CNOT2: variants seen among roughly 807,000 people sequenced by gnomAD.
CNOT2 encodes the protein CCR4-NOT transcription complex subunit 2, also known as CC chemokine receptor 4-negative regulator of transcription 2.
A neutral mutation model predicts 72.1 loss-of-function variants in CNOT2; 7 were observed. That is an observed-to-expected ratio of 0.10 (90% CI 0.06 to 0.18). The LOEUF is 0.18. Ranked by LOEUF, CNOT2 falls within the 10% of genes least tolerant of loss-of-function variation. CNOT2 has a pLI of 1.00. For synonymous variants in CNOT2, 196 were observed against 225.6 expected, an observed-to-expected ratio of 0.87 and a Z score of 1.17; for missense variants, 345 against 660.3, an observed-to-expected ratio of 0.52 and a Z score of 5.23.
At chr12:70,338,321 C>A in intron 9 of CNOT2, 122 bp from the exon 10 acceptor site, 1 of 779,574 alleles carries the variant, frequency 1.3e-6, no homozygotes, top group Non-Finnish European at 2.0e-6. Context: ...ACTTGAAAAA[C>A]AGGTAATAAT....
chr12:70,262,694 G>A (rs184059045), intron 1 of CNOT2, among the ~76,000 whole-genome samples: 4 of 151,666 alleles, frequency 2.6e-5, no homozygotes, highest in Admixed American at 2.0e-4. Context: ...TGTTTTTTGC[G>A]ATGGAGTCTT....
At chr12:70,250,875 T>A (rs1465373446) in intron 1 of CNOT2, among the ~76,000 whole-genome samples, 1 of 152,198 alleles carries the variant, frequency 6.6e-6, no homozygotes. Context: ...ATGATCTGTG[T>A]CTTTCACTTC....
chr12:70,324,100 G>C (rs1878711650), intron 4 of CNOT2: 2 of 151,758 alleles, frequency 1.3e-5, no homozygotes, highest in Admixed American at 1.3e-4. Context: ...GAGTAACTAT[G>C]TGAACATGAG....
chr12:70,292,859 A>C (rs1296769381), intron 2 of CNOT2, among the ~76,000 whole-genome samples: 1 of 152,202 alleles, frequency 6.6e-6, no homozygotes, highest in Non-Finnish European at 1.5e-5. Flanking sequence ...ACATGGTGAG[A>C]TGTTTAGAAA....
chr12:70,335,626 A>G (rs961922717), intron 8 of CNOT2, 63 bp downstream of exon 8: 23 of 1,223,906 alleles, frequency 1.9e-5, no homozygotes, highest in Non-Finnish European at 2.6e-5. Flanking sequence ...ACACATATAC[A>G]TTTACATGTA....
At chr12:70,287,644 T>C (rs1470025859) in intron 2 of CNOT2, among the ~76,000 whole-genome samples, 2 of 150,170 alleles carry the variant, frequency 1.3e-5, no homozygotes, top group East Asian at 2.0e-4. Context: ...ACATCTTATG[T>C]ATCCATATAA....
chr12:70,353,816 T>C lies in CNOT2; in HGVS notation c.1537-13T>C. ...AGGGGAAGATATCTAAATTCTTGAA[T>C]TTGTTTTTATAGGAGTTCCATCTGG... On this transcript the variant is annotated splice_polypyrimidine_tract_variant and intron_variant, in intron 15 of 15. Transcript: ENST00000229195. 1.5e-5 allele frequency: 24 copies of C among 1,599,088 alleles called. No homozygotes were observed. Among genetic ancestry groups the C allele is most frequent in the Non-Finnish European group, 2.0e-5 (24 of 1,176,342 alleles).
chr12:70,292,295 A>T (rs932419533), intron 2 of CNOT2, among the ~76,000 whole-genome samples: 1 of 152,212 alleles, frequency 6.6e-6, no homozygotes, highest in Non-Finnish European at 1.5e-5. Flanking sequence ...ACTGTGGGAC[A>T]TTCTGCAGTG....
rs1883194963 is a variant in CNOT2, at chr12:70,353,955, G to C, written c.*40G>C. The C allele has an allele frequency of 1.3e-6, 2 of 1,560,144 alleles. No homozygotes were observed. The highest frequency in any genetic ancestry group is 2.8e-5 in the African/African-American group (2 of 71,108). ...AAAAAAAAAGACTTCCCTTTTCTTGGGGTATGGCTGTCTCAGCACAATACT... is the reference window on the plus strand; with the variant it reads ...AAAAAAAAAGACTTCCCTTTTCTTGCGGTATGGCTGTCTCAGCACAATACT... On this transcript the variant is annotated 3_prime_UTR_variant, in exon 16 of 16. Coordinates refer to ENST00000229195, the MANE Select transcript of CNOT2 (RefSeq NM_014515.7).
chr12:70,278,063 A>G (rs928491048), intron 1 of CNOT2, 69 bp from the exon 2 acceptor site: 5 of 523,140 alleles, frequency 9.6e-6, no homozygotes, highest in Admixed American at 3.5e-5. Flanking sequence ...ATCATATTGA[A>G]TATTTTTGCT....
chr12:70,268,572 A>G (rs1247685686), intron 1 of CNOT2, among the ~76,000 whole-genome samples: 1 of 152,058 alleles, frequency 6.6e-6, no homozygotes, highest in Non-Finnish European at 1.5e-5. Context: ...TTAGCCTCCC[A>G]AGTAGTTGGG....
intron 2 of CNOT2, among the ~76,000 whole-genome samples, chr12:70,306,955 G>A (rs1875522760): frequency 1.3e-5 from 2 of 152,178 alleles, no homozygotes; most frequent in East Asian, 1.9e-4. Flanking sequence ...TAACACATTG[G>A]TATTTGTGTA....
intron 1 of CNOT2, among the ~76,000 whole-genome samples, chr12:70,268,018 T>TTGCCAACTC (rs1181414622): frequency 6.6e-6 from 1 of 152,256 alleles, no homozygotes; most frequent in South Asian, 2.1e-4. Context: ...ACGAAAAAGT[T>TTGCCAACTC]TGCCAACTCC....
At chr12:70,300,975 TG>T (rs1213225683) in intron 2 of CNOT2, among the ~76,000 whole-genome samples, 2 of 152,206 alleles carry the variant, frequency 1.3e-5, no homozygotes, top group African/African-American at 4.8e-5. Context: ...TTATTCTCTT[TG>T]AAGCAATTGT....
At chr12:70,349,447 G>A (rs191476508) in intron 15 of CNOT2, among the ~76,000 whole-genome samples, 50 of 152,148 alleles carry the variant, frequency 3.3e-4, no homozygotes, top group Admixed American at 6.5e-5. Flanking sequence ...TGATATTATG[G>A]TGTTCTTGAA....
intron 1 of CNOT2, among the ~76,000 whole-genome samples, chr12:70,257,618 C>T (rs1002550049): frequency 4.6e-5 from 7 of 151,866 alleles, no homozygotes; most frequent in African/African-American, 1.5e-4. Context: ...CCACCTGCCT[C>T]GGCCTCCCAA....
intron 2 of CNOT2, among the ~76,000 whole-genome samples, chr12:70,293,161 CTTT>C (rs201732291): frequency 2.2e-5 from 3 of 136,264 alleles, no homozygotes; most frequent in Admixed American, 7.4e-5. Flanking sequence ...GATTTCATAT[CTTT>C]TTTTTTTTTT....
intron 14 of CNOT2, 67 bp downstream of exon 14, chr12:70,344,295 A>G (rs1478241889): frequency 1.1e-6 from 1 of 920,938 alleles, no homozygotes; most frequent in African/African-American, 1.7e-5. Flanking sequence ...AAACATCTTT[A>G]AGTGATGATG....
At chr12:70,273,527 TA>T (rs1868330282) in intron 1 of CNOT2, among the ~76,000 whole-genome samples, 1 of 152,150 alleles carries the variant, frequency 6.6e-6, no homozygotes. Flanking sequence ...GCAACTTGTG[TA>T]AACAGATGTA....
Sources: allele counts gnomAD v4.1 joint callset (sites outside exome capture counted in the v4.1 genomes callset), GRCh38; gene constraint gnomAD v4.1.1; transcripts MANE v1.5; gene names NCBI Gene and HGNC (gene_info 2026-07-23, HGNC 2026-07-21).